The following DLG2 variants were observed in gnomAD, a reference collection of about 807,000 sequenced individuals.
DLG2 encodes the protein discs large MAGUK scaffold protein 2, also known as disks large homolog 2.
Under a neutral mutation model 132.5 loss-of-function variants are expected in DLG2, and 45 were observed. The observed-to-expected ratio is 0.34, with a 90% CI of 0.27 to 0.44. DLG2 has a LOEUF of 0.44. Among genes scored for constraint, DLG2 ranks in the 20% least tolerant of loss-of-function variants. The pLI, the probability that DLG2 is intolerant of heterozygous loss-of-function variation, is 1.00. For synonymous variants in DLG2, 424 were observed against 419.6 expected (o/e 1.01, Z -0.13); for missense variants, 1,045 against 1,196.9 (o/e 0.87, Z 1.87).
intron 3 of DLG2, among the ~76,000 whole-genome samples, chr11:85,433,175 T>C (rs376007079): frequency 2.9e-4 from 44 of 151,846 alleles, no homozygotes; most frequent in African/African-American, 1.0e-3. Flanking sequence ...AAGCATCAAA[T>C]ATGGAAAGGA....
At chr11:83,715,118 G>C (rs1258199496) in intron 18 of DLG2, among the ~76,000 whole-genome samples, 2 of 152,060 alleles carry the variant, frequency 1.3e-5, no homozygotes, top group Non-Finnish European at 2.9e-5. Context: ...CAAGGACATG[G>C]ATGAAACTGG....
chr11:84,103,191 T>G (rs2092663837), intron 9 of DLG2, among the ~76,000 whole-genome samples: 1 of 152,130 alleles, frequency 6.6e-6, no homozygotes, highest in Admixed American at 6.6e-5. Flanking sequence ...ATTGTTCTCT[T>G]CCAGCCTTCC....
chr11:84,193,925 AATC>A (rs1405127791), intron 8 of DLG2, among the ~76,000 whole-genome samples: 1 of 152,180 alleles, frequency 6.6e-6, no homozygotes, highest in East Asian at 1.9e-4. Context: ...ATTACCACAG[AATC>A]ATCAACACAT....
chr11:85,130,370 G>A (rs766866364), intron 5 of DLG2, among the ~76,000 whole-genome samples: 23 of 152,158 alleles, frequency 1.5e-4, no homozygotes, highest in Non-Finnish European at 2.9e-4. Context: ...AGTATGTCCA[G>A]TAGGGGAAAA....
At chr11:84,928,431 A>G (rs2047659164) in intron 6 of DLG2, among the ~76,000 whole-genome samples, 1 of 151,976 alleles carries the variant, frequency 6.6e-6, no homozygotes, top group South Asian at 2.1e-4. Flanking sequence ...GAAGTCAAAT[A>G]TATAACTTGT....
intron 6 of DLG2, among the ~76,000 whole-genome samples, chr11:84,658,029 T>C (rs562184769): frequency 6.6e-6 from 1 of 152,168 alleles, no homozygotes; most frequent in East Asian, 1.9e-4. Flanking sequence ...TTCTGGACAA[T>C]GTAATTTAAG....
intron 6 of DLG2, among the ~76,000 whole-genome samples, chr11:85,101,112 G>A (rs755026993): frequency 2.8e-4 from 42 of 152,016 alleles, no homozygotes; most frequent in African/African-American, 9.4e-4. Flanking sequence ...ATCATAAAGC[G>A]TAAGAGCTTG....
rs144615155 is a variant in DLG2 at position 83,705,126 on chromosome 11, T to C, written c.1826-71801A>G. Among the ~76,000 whole-genome samples the C allele has an allele frequency of 8.3e-3, 1,269 of 152,334 alleles. 19 individuals carry two copies. Among genetic ancestry groups the C allele is most frequent in the African/African-American group, 0.028 (1,164 of 41,572 alleles). ...GAATGTGATATACCTAACTTGTACT[T>C]GCCCTTTGTACTTTCTGAATGCAGG... On this transcript the variant is annotated intron_variant, in intron 18 of 27. Transcript: ENST00000376104.
At chr11:85,254,093 G>A (rs1595728587) in intron 4 of DLG2, among the ~76,000 whole-genome samples, 1 of 152,224 alleles carries the variant, frequency 6.6e-6, no homozygotes, top group African/African-American at 2.4e-5. Context: ...GGGCCACAGT[G>A]CCAGGCTTTT....
At chr11:83,547,033 T>C (rs2096259872) in intron 19 of DLG2, among the ~76,000 whole-genome samples, 1 of 152,134 alleles carries the variant, frequency 6.6e-6, no homozygotes, top group Non-Finnish European at 1.5e-5. Flanking sequence ...CAAGCAACTC[T>C]TTCCAGCTCA....
chr11:83,986,883 C>T (rs1467293708), intron 11 of DLG2, among the ~76,000 whole-genome samples: 1 of 152,104 alleles, frequency 6.6e-6, no homozygotes, highest in Non-Finnish European at 1.5e-5. Context: ...TGTTCATGTC[C>T]TTTGCCCACT....
rs202046471 is a variant in DLG2 at position 85,534,346 on chromosome 11, AT to A, written c.40+64310del. Among the ~76,000 whole-genome samples, 1,218 of 152,152 alleles carry A rather than the reference AT, an allele frequency of 8.0e-3. 16 individuals are homozygous for A. The highest frequency in any genetic ancestry group is 0.029 in the African/African-American group (1,183 of 41,508). ...TATTTCATTTCCTCCATGAAATATA[AT>A]TTTTTTTAATTTTAGATTTGGGGGT... On this transcript the variant is annotated intron_variant, in intron 3 of 27. Coordinates refer to ENST00000376104, the MANE Select transcript of DLG2 (RefSeq NM_001142699.3).
chr11:83,627,116 C>T lies in DLG2; in HGVS notation c.1940+6095G>A, dbSNP rs567927120. ...GATGAATATTACCAACATTTATCAA[C>T]GACTTCCCATGTGCCAGATATCTAA... On this transcript the variant is annotated intron_variant, in intron 19 of 27. Coordinates refer to ENST00000376104, the MANE Select transcript of DLG2 (RefSeq NM_001142699.3). Among the ~76,000 whole-genome samples the T allele has an allele frequency of 2.8e-4, 43 of 152,180 alleles. No individual in the cohort carries two copies. The East Asian group carries it at 4.1e-3, about 14-fold the overall frequency.
At chr11:84,734,121 G>T (rs923152686) in intron 6 of DLG2, among the ~76,000 whole-genome samples, 5 of 152,244 alleles carry the variant, frequency 3.3e-5, no homozygotes, top group East Asian at 1.9e-4. Context: ...GGCAATGCGG[G>T]CTCTTTTTTG....
intron 6 of DLG2, among the ~76,000 whole-genome samples, chr11:84,863,113 T>C (rs11234222): frequency 6.6e-6 from 1 of 151,772 alleles, no homozygotes; most frequent in Non-Finnish European, 1.5e-5. Flanking sequence ...ACGTATTTAA[T>C]GTAGATCCTT....
chr11:84,435,214 G>A (rs1206081193), intron 7 of DLG2, among the ~76,000 whole-genome samples: 2 of 152,040 alleles, frequency 1.3e-5, no homozygotes, highest in Admixed American at 6.5e-5. Flanking sequence ...TCAGCTTGTT[G>A]TATTATTTGT....
At chr11:85,001,099 G>A (rs561685358) in intron 6 of DLG2, among the ~76,000 whole-genome samples, 85 of 151,784 alleles carry the variant, frequency 5.6e-4, no homozygotes, top group African/African-American at 2.0e-3. Flanking sequence ...GTTATAGAAA[G>A]AACTTTTTTT....
At chr11:84,555,240 C>T (rs942011101) in intron 6 of DLG2, among the ~76,000 whole-genome samples, 1 of 152,068 alleles carries the variant, frequency 6.6e-6, no homozygotes. Context: ...TATGGAGGTT[C>T]TTCAAAAATA....
intron 6 of DLG2, among the ~76,000 whole-genome samples, chr11:84,732,075 C>A (rs2063222232): frequency 2.0e-5 from 3 of 152,004 alleles, no homozygotes; most frequent in African/African-American, 7.2e-5. Context: ...CTCAACATAT[C>A]TATTCTGAGG....
Sources: gnomAD v4.1 joint callset for allele counts (sites outside exome capture counted in the v4.1 genomes callset) on GRCh38, gnomAD v4.1.1 for gene constraint, MANE v1.5 for transcripts, NCBI Gene and HGNC (gene_info 2026-07-23, HGNC 2026-07-21) for gene names.